ZC3H3: variants seen among roughly 807,000 people sequenced by gnomAD.
ZC3H3 encodes the protein zinc finger CCCH-type containing 3.
ZC3H3 carries 36 observed loss-of-function variants against 77.3 expected under a neutral mutation model. That is an observed-to-expected ratio of 0.47 (90% CI 0.36 to 0.61). The LOEUF is 0.61. ZC3H3 is among the 20% of genes least tolerant of loss of function. The pLI, the probability that ZC3H3 is intolerant of heterozygous loss-of-function variation, is 0.00. For synonymous variants in ZC3H3, 626 were observed against 555.2 expected (o/e 1.13, Z -1.79); for missense variants, 1,331 against 1,312.2 (o/e 1.01, Z -0.22).
chr8:143,438,587 C>T (rs1387624832), intron 11 of ZC3H3, among the ~76,000 whole-genome samples: 2 of 152,108 alleles, frequency 1.3e-5, no homozygotes, highest in Non-Finnish European at 2.9e-5. Context: ...GTGAGGCGGG[C>T]AGGGCCTGGA....
At chr8:143,492,252 C>G (rs2129970933) in intron 4 of ZC3H3, among the ~76,000 whole-genome samples, 1 of 152,292 alleles carries the variant, frequency 6.6e-6, no homozygotes, top group Middle Eastern at 3.4e-3. Flanking sequence ...GCGCCCCCTC[C>G]TCACCGGCCA....
intron 3 of ZC3H3, among the ~76,000 whole-genome samples, chr8:143,531,999 G>A (rs1244756102): frequency 1.3e-5 from 2 of 152,270 alleles, no homozygotes; most frequent in Non-Finnish European, 2.9e-5. Context: ...GAAATTGATT[G>A]AACGCGGCAA....
At chr8:143,476,132 C>T (rs564486695) in intron 4 of ZC3H3, among the ~76,000 whole-genome samples, 1 of 152,198 alleles carries the variant, frequency 6.6e-6, no homozygotes, top group Non-Finnish European at 1.5e-5. Context: ...GGCCCCAGCA[C>T]ATACCACCCT....
Position 143,441,094 on chromosome 8 carries a change from G to T in ZC3H3, c.2334C>A (p.Cys778Ter). The change falls in exon 10 of 12, where the codon TGC becomes TGA. Residue 778 changes from cysteine to a stop codon, truncating the protein, a stop_gained. Transcript: ENST00000262577. LOFTEE classifies it high-confidence loss of function. ...ACGCCCCCCTGCGGGCAAAGTCGGG[G>T]CACAGCAGCGTGTGTTTCTTCTTGC... ...AKCKKKHTLL[C>*]PDFARRGACP... 6.9e-7 allele frequency: 1 copy of T among 1,455,978 alleles called. No homozygotes were observed. 90.2% of individuals were successfully genotyped at this position (1,455,978 alleles called of 1,614,324 possible).
At chr8:143,444,557 T>A (rs959690644) in intron 9 of ZC3H3, among the ~76,000 whole-genome samples, 3 of 152,210 alleles carry the variant, frequency 2.0e-5, no homozygotes, top group African/African-American at 7.2e-5. Context: ...CAAGGTTGGT[T>A]TAATATTAGA....
At position 143,451,855 on chromosome 8, in the gene ZC3H3, C is replaced by T. The variant is rs568092050; in HGVS notation, c.2308-10735G>A. ...TGCATTGCATTGCTTGGAACACAGA[C>T]CCAAAGTACCAACCTACCATCCCTG... On this transcript the variant is annotated intron_variant, in intron 9 of 11. Transcript: ENST00000262577. Among the ~76,000 whole-genome samples the T allele has an allele frequency of 9.9e-4, 150 of 152,040 alleles. 2 individuals carry two copies. The Middle Eastern group carries it at 0.014, about 14-fold the overall frequency.
In ZC3H3 at chr8:143,532,550, C is replaced by T. The variant is rs75813254; in HGVS notation, c.1561+3707G>A. On this transcript the variant is annotated intron_variant, in intron 3 of 11. Transcript: ENST00000262577. The stretch of plus-strand genomic sequence containing the variant: ...CTGGCTGCCCCATCCACAGCCCACA[C>T]GACCCCAGCATCCAGGAACGAACAC... 2.3e-3 allele frequency among the ~76,000 whole-genome samples: 349 copies of T among 152,386 alleles called. 2 individuals carry two copies. Among genetic ancestry groups the T allele is most frequent in the Middle Eastern group, 6.8e-3 (2 of 294 alleles).
intron 4 of ZC3H3, among the ~76,000 whole-genome samples, chr8:143,501,827 G>A (rs1308363486): frequency 2.6e-5 from 4 of 152,198 alleles, no homozygotes; most frequent in Non-Finnish European, 5.9e-5. Flanking sequence ...TTCATCCCAC[G>A]GTCCTCTGAC....
chr8:143,506,148 G>A (rs531656521), intron 4 of ZC3H3, among the ~76,000 whole-genome samples: 5 of 152,364 alleles, frequency 3.3e-5, no homozygotes, highest in African/African-American at 1.2e-4. Context: ...CCCAGCTACA[G>A]GAACCAGACC....
Position 143,539,234 on chromosome 8 carries a change from G to C in ZC3H3, c.133C>G (p.His45Asp). Residue 45 changes from histidine (H) to aspartate (D), a missense_variant, in exon 2 of 12, where the codon CAC (histidine) becomes GAC (aspartate). His to Asp is a moderately conservative substitution (Grantham distance 81). Transcript: ENST00000262577. ...CGGGCACTAAAGGCTCTGCCACTGT[G>C]GTAAGTGGGTGGCTGCCACCCAGAA... ...AASGWQPPTY[H>D]SGRAFSARYP... The C allele has an allele frequency of 1.2e-6, 2 of 1,612,912 alleles. No individual in the cohort carries two copies. The highest frequency in any genetic ancestry group is 2.7e-5 in the African/African-American group (2 of 75,052).
At chr8:143,513,435 T>TGCTGCACACCCAACACCAGGCCC (rs1821934697) in intron 3 of ZC3H3, among the ~76,000 whole-genome samples, 1 of 152,150 alleles carries the variant, frequency 6.6e-6, no homozygotes, top group Non-Finnish European at 1.5e-5. Context: ...CCACCAAGGC[T>TGCTGCACACCCAACACCAGGCCC]GCTGCACACC....
chr8:143,527,736 G>T lies in ZC3H3; in HGVS notation c.1561+8521C>A, dbSNP rs534975773. Among the ~76,000 whole-genome samples the T allele has an allele frequency of 3.3e-5, 5 of 152,250 alleles. No homozygotes were observed. In the South Asian group the frequency reaches 1.0e-3, roughly 32 times the overall value. ...CAGCTGCACACAGCAAGCAATGGTG[G>T]ATCACATACCCCAGAGGCACCAGGC... On this transcript the variant is annotated intron_variant, in intron 3 of 11. Coordinates refer to ENST00000262577, the MANE Select transcript of ZC3H3 (RefSeq NM_015117.3).
At chr8:143,480,435 C>T (rs910461383) in intron 4 of ZC3H3, among the ~76,000 whole-genome samples, 2 of 152,226 alleles carry the variant, frequency 1.3e-5, no homozygotes, top group Non-Finnish European at 2.9e-5. Context: ...GCAGCCCCCG[C>T]GCCATGTCAT....
intron 3 of ZC3H3, among the ~76,000 whole-genome samples, chr8:143,515,234 C>G (rs1047459107): frequency 1.3e-5 from 2 of 152,258 alleles, no homozygotes; most frequent in Non-Finnish European, 2.9e-5. Flanking sequence ...CTTTTCTCAT[C>G]TAGACACCGA....
intron 4 of ZC3H3, among the ~76,000 whole-genome samples, chr8:143,477,916 G>A (rs1469319012): frequency 2.6e-5 from 4 of 152,254 alleles, no homozygotes; most frequent in African/African-American, 7.2e-5. Flanking sequence ...TCCTCGCCCC[G>A]GAAAGGCTGC....
At chr8:143,497,197 G>T (rs775866444) in intron 4 of ZC3H3, among the ~76,000 whole-genome samples, 4 of 152,208 alleles carry the variant, frequency 2.6e-5, no homozygotes, top group Non-Finnish European at 4.4e-5. Flanking sequence ...AGCTAGTTAG[G>T]AGAGGAAAGA....
intron 5 of ZC3H3, among the ~76,000 whole-genome samples, chr8:143,474,470 T>A (rs1043301042): frequency 6.6e-6 from 1 of 152,238 alleles, no homozygotes; most frequent in African/African-American, 2.4e-5. Context: ...TCCCAGCGAC[T>A]CTGCCCAGGA....
intron 3 of ZC3H3, 89 bp downstream of exon 3, chr8:143,536,168 C>A: frequency 6.9e-7 from 1 of 1,443,418 alleles, no homozygotes; most frequent in South Asian, 1.3e-5. Flanking sequence ...CAGCATGAGG[C>A]AGGGAAGGTG....
intron 3 of ZC3H3, chr8:143,523,359 G>C (rs1258087988): frequency 3.0e-6 from 3 of 985,330 alleles, no homozygotes; most frequent in Non-Finnish European, 1.2e-6. Flanking sequence ...GGTCCCACAA[G>C]AGCAGGCAGC....
Sources: allele counts gnomAD v4.1 joint callset (sites outside exome capture counted in the v4.1 genomes callset), GRCh38; gene constraint gnomAD v4.1.1; transcripts MANE v1.5; gene names NCBI Gene and HGNC (gene_info 2026-07-23, HGNC 2026-07-21).